The following MLC1 variants were observed in gnomAD, a reference collection of about 807,000 sequenced individuals.
MLC1 encodes membrane protein MLC1.
In MLC1, 32 loss-of-function variants were observed where a neutral mutation model predicts 44.7. The observed-to-expected ratio is 0.72, with a 90% CI of 0.54 to 0.96. The LOEUF (loss-of-function observed/expected upper bound fraction) is 0.96, where lower values mean the gene tolerates loss of function less well. Ranked by LOEUF, MLC1 falls within the 40% of genes least tolerant of loss-of-function variation. MLC1 has a pLI of 0.00. For synonymous variants in MLC1, 190 were observed against 213.0 expected (o/e 0.89, Z 0.94); for missense variants, 459 against 492.2 (o/e 0.93, Z 0.64).
In MLC1 at chr22:50,079,917, C is replaced by T. The variant is rs752428321; in HGVS notation, c.423+1G>A. ...TCTGCGCGAAGCTCGTGTGAACTCA[C>T]GTTTATTGCTGATGGGTTCAGGACT... On this transcript the variant is annotated splice_donor_variant, in intron 5 of 11. Coordinates refer to ENST00000311597, the MANE Select transcript of MLC1 (RefSeq NM_015166.4). LOFTEE classifies it high-confidence loss of function. 20 of 1,608,192 alleles carry T rather than the reference C, an allele frequency of 1.2e-5. No homozygotes were observed. The highest frequency in any genetic ancestry group is 3.3e-4 in the Middle Eastern group (2 of 6,052).
In MLC1 at chr22:50,061,600, C is replaced by T. The variant is rs1205871716; in HGVS notation, c.1117G>A (p.Val373Met). 4 of 1,613,730 alleles carry T rather than the reference C, an allele frequency of 2.5e-6. No homozygotes were observed. The highest frequency in any genetic ancestry group is 2.7e-5 in the African/African-American group (2 of 74,898). ...DKEKAWRAVV[V>M]QMAQ Reference sequence around the variant, plus strand: ...TCTGGGGGTCACTGGGCCATTTGCACCACGACGGCTCTCCAGGCTTTCTCC... The same window carrying T: ...TCTGGGGGTCACTGGGCCATTTGCATCACGACGGCTCTCCAGGCTTTCTCC... Residue 373 changes from valine (V) to methionine (M), a missense_variant, in exon 12 of 12, where the codon GTG (valine) becomes ATG (methionine). Physicochemically the swap from Val to Met is conservative, Grantham distance 21. Transcript: ENST00000311597.
At chr22:50,065,053 T>C (rs2061674790) in intron 10 of MLC1, among the ~76,000 whole-genome samples, 1 of 152,168 alleles carries the variant, frequency 6.6e-6, no homozygotes, top group Non-Finnish European at 1.5e-5. Flanking sequence ...ACCTCGCCAG[T>C]AGCTGGGATT....
chr22:50,059,695 G>A lies in MLC1; in HGVS notation c.*1888C>T, dbSNP rs1885718642. On this transcript the variant is annotated 3_prime_UTR_variant, in exon 12 of 12. Transcript: ENST00000311597. ...GAGGTGGGGGTGGCCTGCAGACAGG[G>A]TGGGGTCTGCATCCGGTACCAGTGA... The A allele has an allele frequency of 6.6e-6, 1 of 152,352 alleles. No homozygotes were observed. Among genetic ancestry groups the A allele is most frequent in the Non-Finnish European group, 1.5e-5 (1 of 68,098 alleles). 9.4% of individuals were successfully genotyped at this position (152,352 alleles called of 1,614,324 possible).
chr22:50,074,992 C>T (rs1040111905), intron 7 of MLC1, among the ~76,000 whole-genome samples: 1 of 152,268 alleles, frequency 6.6e-6, no homozygotes, highest in South Asian at 2.1e-4. Context: ...CCACTGCAAA[C>T]AAAGCTGCTG....
intron 7 of MLC1, among the ~76,000 whole-genome samples, chr22:50,075,118 C>G (rs1188684359): frequency 6.7e-6 from 1 of 148,426 alleles, no homozygotes; most frequent in Admixed American, 6.6e-5. Flanking sequence ...CAACCAGCAC[C>G]GCCAGACTCA....
chr22:50,063,578 C>T (rs1048081555), intron 11 of MLC1, among the ~76,000 whole-genome samples: 5 of 152,034 alleles, frequency 3.3e-5, no homozygotes, highest in East Asian at 3.9e-4. Flanking sequence ...AGGGCCACGT[C>T]GTGTGGCCCT....
intron 11 of MLC1, among the ~76,000 whole-genome samples, chr22:50,061,930 C>G (rs1020594522): frequency 6.6e-6 from 1 of 152,244 alleles, no homozygotes; most frequent in African/African-American, 2.4e-5. Context: ...CTTGCCCTGG[C>G]TCTGGGGCGG....
chr22:50,063,365 C>T (rs1241689483), intron 11 of MLC1, among the ~76,000 whole-genome samples: 2 of 149,596 alleles, frequency 1.3e-5, no homozygotes, highest in Admixed American at 1.3e-4. Context: ...CCCAGCTACT[C>T]GGGAGGCTGA....
At chr22:50,069,482 C>T (rs1294175172) in intron 9 of MLC1, among the ~76,000 whole-genome samples, 1 of 151,064 alleles carries the variant, frequency 6.6e-6, no homozygotes, top group Non-Finnish European at 1.5e-5. Flanking sequence ...CCCATCTCTA[C>T]TAAAGATACA....
chr22:50,074,690 C>G, intron 7 of MLC1: 1 of 341,784 alleles, frequency 2.9e-6, no homozygotes, highest in South Asian at 2.5e-5. Flanking sequence ...TGCTCAGACC[C>G]TGGACCCCAT....
chr22:50,065,483 T>C (rs868047952), intron 10 of MLC1, among the ~76,000 whole-genome samples: 1 of 152,240 alleles, frequency 6.6e-6, no homozygotes, highest in Non-Finnish European at 1.5e-5. Flanking sequence ...GCCGCCAGGC[T>C]GAGACCACCA....
At chr22:50,068,327 G>A in intron 10 of MLC1, 106 bp downstream of exon 10, 2 of 1,496,958 alleles carry the variant, frequency 1.3e-6, no homozygotes, top group Admixed American at 1.7e-5. Context: ...TCCTGGAGCT[G>A]TCCCTGGAGC....
intron 1 of MLC1, 176 bp downstream of exon 1, chr22:50,085,179 T>A (rs2062251051): frequency 1.5e-6 from 2 of 1,321,524 alleles, no homozygotes; most frequent in Non-Finnish European, 1.9e-6. Flanking sequence ...ACACTTTAAA[T>A]GCCTCATTGA....
Position 50,064,145 on chromosome 22 carries a change from G to C in MLC1, c.948C>G (p.Ala316=), listed in dbSNP as rs372499972. Residue 316 remains alanine (A), a synonymous_variant, in exon 11 of 12, where the codon GCC becomes GCG. Transcript: ENST00000311597. ...LLLLLVLLLQ[A]GLNTGTAIQC... ...GGATGGCGGTGCCCGTGTTGAGGCCGGCCTGCAGCAGGAGCACTAGCAGCA... is the reference window on the plus strand; with the variant it reads ...GGATGGCGGTGCCCGTGTTGAGGCCCGCCTGCAGCAGGAGCACTAGCAGCA... 6.2e-7 allele frequency: 1 copy of C among 1,608,110 alleles called. No homozygotes were observed. Among genetic ancestry groups the C allele is most frequent in the Non-Finnish European group, 8.5e-7 (1 of 1,179,778 alleles).
At chr22:50,075,533 AC>A (rs2146869053) in intron 7 of MLC1, among the ~76,000 whole-genome samples, 1 of 152,032 alleles carries the variant, frequency 6.6e-6, no homozygotes, top group East Asian at 1.9e-4. Flanking sequence ...AACATGGTAA[AC>A]CCCGTCTCTA....
At position 50,061,588 on chromosome 22, in the gene MLC1, G is replaced by A. The variant is rs1326705393; in HGVS notation, c.1129C>T (p.Gln377Ter). 6.2e-7 allele frequency: 1 copy of A among 1,613,614 alleles called. No individual in the cohort carries two copies. The highest frequency in any genetic ancestry group is 8.5e-7 in the Non-Finnish European group (1 of 1,179,974). Residue 377 changes from glutamine (Q) to a stop codon, truncating the protein, a stop_gained, in exon 12 of 12, where the codon CAG becomes TAG. Transcript: ENST00000311597. LOFTEE classifies it high-confidence loss of function. The part of the protein sequence containing the change: ...AWRAVVVQMA[Q>*] Reference sequence around the variant, plus strand: ...CCGGTTTCCGCGTCTGGGGGTCACTGGGCCATTTGCACCACGACGGCTCTC... The same window carrying A: ...CCGGTTTCCGCGTCTGGGGGTCACTAGGCCATTTGCACCACGACGGCTCTC...
chr22:50,067,620 TCAGTGACTCCATCCCCCATCAGA>T (rs2061738924), intron 10 of MLC1, among the ~76,000 whole-genome samples: 1 of 28,724 alleles, frequency 3.5e-5, no homozygotes, highest in African/African-American at 1.5e-4. Context: ...CCATCCCCCA[TCAGTGACTCCATCCCCCATCAGA>T]CAGTGACTCC....
At chr22:50,067,110 T>G (rs1461171377) in intron 10 of MLC1, among the ~76,000 whole-genome samples, 1 of 152,068 alleles carries the variant, frequency 6.6e-6, no homozygotes, top group Admixed American at 6.5e-5. Flanking sequence ...TAAGACAACA[T>G]GAAGTAGGAG....
chr22:50,069,726 C>T (rs2061803329), intron 9 of MLC1, among the ~76,000 whole-genome samples: 2 of 152,138 alleles, frequency 1.3e-5, no homozygotes, highest in Non-Finnish European at 2.9e-5. Context: ...CATGGGTCAC[C>T]TCCTTCACTG....
Sources: allele counts gnomAD v4.1 joint callset (sites outside exome capture counted in the v4.1 genomes callset), GRCh38; gene constraint gnomAD v4.1.1; transcripts MANE v1.5; gene names NCBI Gene and HGNC (gene_info 2026-07-23, HGNC 2026-07-21).